SCN2A: variants seen among roughly 807,000 people sequenced by gnomAD.
SCN2A encodes sodium channel protein type 2 subunit alpha.
A neutral mutation model predicts 188.7 loss-of-function variants in SCN2A; 20 were observed. The ratio of observed to expected loss-of-function variants is 0.11; its 90% CI spans 0.07 to 0.15. SCN2A has a LOEUF of 0.15. Ranked by LOEUF, SCN2A falls within the 10% of genes least tolerant of loss-of-function variation. SCN2A has a pLI of 1.00. For missense variants in SCN2A, 1,278 were observed against 2,445.0 expected (o/e 0.52, Z 10.07); for synonymous variants, 804 against 833.1 (o/e 0.97, Z 0.60).
At chr2:165,381,061 A>C in intron 24 of SCN2A, 32 bp from the exon 25 acceptor site, 3 of 1,447,344 alleles carry the variant, frequency 2.1e-6, no homozygotes, top group Non-Finnish European at 2.9e-6. Context: ...CAAAGAACAC[A>C]ATTTTAACAA....
At chr2:165,345,006 C>A (rs1699496125) in intron 16 of SCN2A, 95 bp downstream of exon 16, 1 of 1,471,334 alleles carries the variant, frequency 6.8e-7, no homozygotes, top group South Asian at 1.2e-5. Context: ...TTTTTTAAAT[C>A]AAGGCCACTT....
chr2:165,345,063 C>A (rs1699500908), intron 16 of SCN2A, 152 bp downstream of exon 16: 1 of 946,444 alleles, frequency 1.1e-6, no homozygotes, highest in East Asian at 2.6e-5. Context: ...ATAGTTTAGA[C>A]CATTGTAATC....
chr2:165,309,593 T>G, intron 6 of SCN2A, 150 bp downstream of exon 6: 1 of 1,015,188 alleles, frequency 9.9e-7, no homozygotes, highest in Non-Finnish European at 1.5e-6. Flanking sequence ...ATGGATTTGA[T>G]TCTTTGCTTT....
At chr2:165,354,102 G>C in intron 16 of SCN2A, 90 bp from the exon 17 acceptor site, 2 of 1,463,432 alleles carry the variant, frequency 1.4e-6, no homozygotes, top group South Asian at 2.3e-5. Flanking sequence ...AATAAAATAA[G>C]GTGTCAAGAA....
rs1186373042 is a variant in SCN2A, at chr2:165,391,282, CAAT to C, written c.*1459_*1461del. The C allele has an allele frequency of 6.6e-6, 1 of 152,424 alleles. No individual in the cohort carries two copies. The highest frequency in any genetic ancestry group is 1.5e-5 in the Non-Finnish European group (1 of 68,000). 9.4% of individuals were successfully genotyped at this position (152,424 alleles called of 1,614,324 possible). A position where few individuals can be genotyped will look rare whatever the true frequency, so the allele number is the denominator to read the frequency against. The stretch of plus-strand genomic sequence containing the variant: ...ATTCTTCCAACCTTAATTGAACACT[CAAT>C]GATGAAAAGCCCGACTGTACAAACA... On this transcript the variant is annotated 3_prime_UTR_variant, in exon 27 of 27. Transcript: ENST00000375437.
intron 3 of SCN2A, among the ~76,000 whole-genome samples, chr2:165,298,704 T>C (rs987305733): frequency 5.3e-5 from 8 of 152,182 alleles, no homozygotes; most frequent in Non-Finnish European, 8.8e-5. Flanking sequence ...AATTATGATC[T>C]ATTATTATGT....
chr2:165,334,248 G>A (rs1338136917), intron 14 of SCN2A, among the ~76,000 whole-genome samples: 1 of 151,484 alleles, frequency 6.6e-6, no homozygotes, highest in African/African-American at 2.4e-5. Flanking sequence ...AGAAGAGAAG[G>A]GAATACTTCT....
intron 1 of SCN2A, among the ~76,000 whole-genome samples, chr2:165,260,111 T>C (rs993751516): frequency 6.6e-6 from 1 of 151,810 alleles, no homozygotes; most frequent in Non-Finnish European, 1.5e-5. Context: ...GCCCGGCTAA[T>C]TTTTTGTATT....
intron 13 of SCN2A, 167 bp downstream of exon 13, chr2:165,327,151 A>T: frequency 1.2e-6 from 1 of 841,618 alleles, no homozygotes; most frequent in Non-Finnish European, 1.8e-6. Context: ...ATTATCTTCC[A>T]CAGATTTTTT....
At chr2:165,370,103 T>G in intron 19 of SCN2A, 23 bp from the exon 20 acceptor site, 1 of 1,600,734 alleles carries the variant, frequency 6.2e-7, no homozygotes, top group Non-Finnish European at 8.6e-7. Context: ...TCATAAAATT[T>G]AATAGAATTT....
Position 165,323,428 on chromosome 2 carries a change from G to A in SCN2A, c.1944G>A (p.Val648=). ...LPMNGKMHSA[V]DCNGVVSLVG... is the part of the protein sequence containing the mutation. Reference sequence around the variant, plus strand: ...TGAATGGGAAGATGCATAGCGCTGTGGACTGCAATGGTGTGGTCTCCCTGG... The same window carrying A: ...TGAATGGGAAGATGCATAGCGCTGTAGACTGCAATGGTGTGGTCTCCCTGG... Residue 648 remains valine, a synonymous_variant, in exon 12 of 27, where the codon GTG becomes GTA. Coordinates refer to ENST00000375437, the MANE Select transcript of SCN2A (RefSeq NM_001040142.2). 1 of 1,613,992 alleles carries A rather than the reference G, an allele frequency of 6.2e-7. No homozygotes were observed. The highest frequency in any genetic ancestry group is 8.5e-7 in the Non-Finnish European group (1 of 1,179,868).
chr2:165,325,120 T>C (rs1405163753), intron 12 of SCN2A, among the ~76,000 whole-genome samples: 1 of 152,146 alleles, frequency 6.6e-6, no homozygotes, highest in African/African-American at 2.4e-5. Context: ...TAAATGTTAA[T>C]TGGGTAAACA....
At position 165,391,467 on chromosome 2, in the gene SCN2A, T is replaced by G. The variant is rs1396308365; in HGVS notation, c.*1643T>G. On this transcript the variant is annotated 3_prime_UTR_variant, in exon 27 of 27. Transcript: ENST00000375437. ...CAGGTGGATGTCACAGTCACTATTG[T>G]TAGTTTCTGTTCCTAGCACTTTTAA... 1 of 152,562 alleles carries G rather than the reference T, an allele frequency of 6.6e-6. No individual in the cohort carries two copies. Among genetic ancestry groups the G allele is most frequent in the Non-Finnish European group, 1.5e-5 (1 of 67,998 alleles). 9.5% of individuals were successfully genotyped at this position (152,562 alleles called of 1,614,324 possible).
At chr2:165,281,257 G>C (rs1023070855) in intron 1 of SCN2A, among the ~76,000 whole-genome samples, 6 of 151,976 alleles carry the variant, frequency 3.9e-5, no homozygotes, top group African/African-American at 1.5e-4. Flanking sequence ...AAGTTATAGA[G>C]GGAAATAAGG....
rs1220470911 is a variant in SCN2A at position 165,291,436 on chromosome 2, C to CTCTT, written c.-51-4283_-51-4280dup. Among the ~76,000 whole-genome samples the CTCTT allele has an allele frequency of 1.5e-3, 98 of 65,422 alleles. 9 individuals carry two copies. The highest frequency in any genetic ancestry group is 3.5e-3 in the African/African-American group (65 of 18,376). 42.9% of individuals were successfully genotyped at this position (65,422 alleles called of 152,430 possible). ...CCTTCCTCCCTGTCTGTCTTTCTTT[C>CTCTT]TCTTTCTTTCTTTCTTTCTTTCTTT... On this transcript the variant is annotated intron_variant, in intron 1 of 26. Coordinates refer to ENST00000375437, the MANE Select transcript of SCN2A (RefSeq NM_001040142.2).
rs75291251 is a variant in SCN2A, at chr2:165,380,787, T to C, written c.4446+58T>C. 1.7e-3 allele frequency: 2,332 copies of C among 1,353,706 alleles called. 34 individuals carry two copies. The African/African-American group carries it at 0.031, about 18-fold the overall frequency. The allele number at this position is 1,353,706 out of a possible 1,614,324, so 83.9% of individuals were successfully genotyped here. The stretch of plus-strand genomic sequence containing the variant: ...AATATGAACTAAATATTTCATACTC[T>C]TTCCTTTAGCCTCCAAAATGCAATC... On this transcript the variant is annotated intron_variant, in intron 24 of 26. Transcript: ENST00000375437.
At chr2:165,270,794 G>C (rs533462155) in intron 1 of SCN2A, 10 of 152,196 alleles carry the variant, frequency 6.6e-5, no homozygotes, top group African/African-American at 2.4e-4. Context: ...CCACATCCAC[G>C]AAGCCTCTGC....
intron 1 of SCN2A, among the ~76,000 whole-genome samples, chr2:165,249,556 A>G (rs1694000354): frequency 6.6e-6 from 1 of 152,204 alleles, no homozygotes; most frequent in Middle Eastern, 3.4e-3. Flanking sequence ...AATAAGGGAC[A>G]ATGAATGTTA....
rs1701228038 is a variant in SCN2A, at chr2:165,374,867, G to A, written c.4155G>A (p.Glu1385=). The change falls in exon 22 of 27, where the codon GAG becomes GAA. Residue 1385 remains glutamate, a synonymous_variant. Coordinates refer to ENST00000375437, the MANE Select transcript of SCN2A (RefSeq NM_001040142.2). ...TAAGCGTGGTCAACAACTACAGTGA[G>A]TGCAAAGCTCTCATTGAGAGCAATC... is the stretch of plus-strand genomic sequence containing the variant. ...FDVSVVNNYS[E]CKALIESNQT... 1.1e-5 allele frequency: 18 copies of A among 1,613,448 alleles called. No homozygotes were observed. The highest frequency in any genetic ancestry group is 2.2e-5 in the South Asian group (2 of 91,066).
Sources: gnomAD v4.1 joint callset for allele counts (sites outside exome capture counted in the v4.1 genomes callset) on GRCh38, gnomAD v4.1.1 for gene constraint, MANE v1.5 for transcripts, NCBI Gene and HGNC (gene_info 2026-07-23, HGNC 2026-07-21) for gene names.